FYB1: variants seen among roughly 807,000 people sequenced by gnomAD.
FYB1 encodes FYN-binding protein 1.
In FYB1, 41 loss-of-function variants were observed where a neutral mutation model predicts 94.1. The ratio of observed to expected loss-of-function variants is 0.44; its 90% CI spans 0.34 to 0.57. The LOEUF is 0.57. Ranked by LOEUF, FYB1 falls within the 20% of genes least tolerant of loss-of-function variation. The pLI, the probability that FYB1 is intolerant of heterozygous loss-of-function variation, is 0.02. For synonymous variants in FYB1, 367 were observed against 353.2 expected (o/e 1.04, Z -0.44); for missense variants, 1,050 against 976.8 (o/e 1.07, Z -1.00).
Position 39,202,866 on chromosome 5 carries a change from A to G in FYB1, c.95T>C (p.Ile32Thr), listed in dbSNP as rs764705973. 6.2e-7 allele frequency: 1 copy of G among 1,613,966 alleles called. No individual in the cohort carries two copies. The highest frequency in any genetic ancestry group is 8.5e-7 in the Non-Finnish European group (1 of 1,179,880). Residue 32 changes from isoleucine (I) to threonine (T), a missense_variant, in exon 2 of 19, where the codon ATA becomes ACA. Transcript: ENST00000512982. ...RVTGPNSSSGIQARKNLFNNQ... is the reference protein window; with the variant it reads ...RVTGPNSSSGTQARKNLFNNQ... ...GTTGAATAAGTTCTTTCTTGCTTGTATTCCTGAAGATGAGTTTGGCCCTGT... is the reference window on the plus strand; with the variant it reads ...GTTGAATAAGTTCTTTCTTGCTTGTGTTCCTGAAGATGAGTTTGGCCCTGT...
At chr5:39,184,912 TATTA>T (rs553383309) in intron 2 of FYB1, among the ~76,000 whole-genome samples, 2 of 152,306 alleles carry the variant, frequency 1.3e-5, no homozygotes, top group East Asian at 3.9e-4. Context: ...TATAATAAAA[TATTA>T]ATTCATTAAT....
At chr5:39,270,485 C>G in intron 1 of FYB1, 1 of 1,311,490 alleles carries the variant, frequency 7.6e-7, no homozygotes, top group Non-Finnish European at 1.0e-6. Context: ...GACTGTGAAG[C>G]ACCCTCAACT....
At position 39,119,616 on chromosome 5, in the gene FYB1, T is replaced by C. The variant is rs759531391; in HGVS notation, c.2157A>G (p.Gly719=). ...GGTCCTTTTCTTCTGTCTTAGCTTT[T>C]CCAACATTAGTTCCTTGACTAGAAC... ...SAEMSQGTNV[G]KAKTEEKDLK... is the part of the protein sequence containing the mutation. The change falls in exon 15 of 19, where the codon GGA becomes GGG. Residue 719 remains glycine (G), a synonymous_variant. Transcript: ENST00000512982. The C allele has an allele frequency of 6.5e-7, 1 of 1,543,352 alleles. No homozygotes were observed. The highest frequency in any genetic ancestry group is 8.7e-7 in the Non-Finnish European group (1 of 1,144,424).
At chr5:39,191,295 A>G (rs1747336138) in intron 2 of FYB1, among the ~76,000 whole-genome samples, 1 of 152,238 alleles carries the variant, frequency 6.6e-6, no homozygotes, top group South Asian at 2.1e-4. Context: ...CTTTACCTCC[A>G]TAGACCTACT....
chr5:39,167,236 G>C (rs1010972570), intron 2 of FYB1, among the ~76,000 whole-genome samples: 1 of 152,088 alleles, frequency 6.6e-6, no homozygotes, highest in Non-Finnish European at 1.5e-5. Context: ...GCTTCTACTA[G>C]AGGTGTGATC....
At chr5:39,112,199 A>G (rs1277226353) in intron 16 of FYB1, among the ~76,000 whole-genome samples, 2 of 151,980 alleles carry the variant, frequency 1.3e-5, no homozygotes, top group East Asian at 3.8e-4. Flanking sequence ...GGGCTACACT[A>G]AAATTTGAAC....
rs1760312937 is a variant in FYB1 at position 39,105,320 on chromosome 5, A to G, written c.*2123T>C. 6.6e-6 allele frequency: 1 copy of G among 152,140 alleles called. No homozygotes were observed. 9.4% of individuals were successfully genotyped at this position (152,140 alleles called of 1,614,324 possible). A position where few individuals can be genotyped will look rare whatever the true frequency, so the allele number is the denominator to read the frequency against. ...ACAAAATTCCATACAGAAGACTATA[A>G]CAGAAATCATATTTAATATATTAAA... On this transcript the variant is annotated 3_prime_UTR_variant, in exon 19 of 19. Coordinates refer to ENST00000512982, the MANE Select transcript of FYB1 (RefSeq NM_001465.6).
At chr5:39,192,957 G>C (rs1033928085) in intron 2 of FYB1, among the ~76,000 whole-genome samples, 1 of 152,194 alleles carries the variant, frequency 6.6e-6, no homozygotes, top group Non-Finnish European at 1.5e-5. Flanking sequence ...CCAGTGTTCT[G>C]TTCACCTCCT....
chr5:39,159,786 C>A (rs997186021), intron 2 of FYB1, among the ~76,000 whole-genome samples: 8 of 149,024 alleles, frequency 5.4e-5, no homozygotes, highest in African/African-American at 1.9e-4. Context: ...CTTGTACAGC[C>A]CACTCCCTTT....
intron 1 of FYB1, among the ~76,000 whole-genome samples, chr5:39,251,245 A>T (rs1384630545): frequency 1.3e-5 from 2 of 152,226 alleles, no homozygotes; most frequent in Admixed American, 1.3e-4. Context: ...ATTAATTTAG[A>T]CCATGAAATT....
chr5:39,233,631 A>C (rs1750840045), intron 1 of FYB1, among the ~76,000 whole-genome samples: 1 of 152,180 alleles, frequency 6.6e-6, no homozygotes, highest in African/African-American at 2.4e-5. Flanking sequence ...CAAAACTTTT[A>C]GTGAGAGGCT....
chr5:39,163,351 A>G (rs575458263), intron 2 of FYB1, among the ~76,000 whole-genome samples: 4 of 152,362 alleles, frequency 2.6e-5, no homozygotes, highest in Non-Finnish European at 4.4e-5. Flanking sequence ...AAGTGGAAAG[A>G]AAAGTAATAC....
chr5:39,200,443 G>A (rs1342771683), intron 2 of FYB1, among the ~76,000 whole-genome samples: 1 of 152,198 alleles, frequency 6.6e-6, no homozygotes, highest in Non-Finnish European at 1.5e-5. Flanking sequence ...TGAAGTCACA[G>A]CCATAAAATG....
intron 1 of FYB1, chr5:39,274,355 T>A (rs1249875151): frequency 6.6e-6 from 1 of 152,222 alleles, no homozygotes; most frequent in Non-Finnish European, 1.5e-5. Flanking sequence ...AACATTAATG[T>A]GCCTGGCTAA....
intron 1 of FYB1, among the ~76,000 whole-genome samples, chr5:39,252,366 A>G (rs1751756298): frequency 6.6e-6 from 1 of 152,216 alleles, no homozygotes; most frequent in Admixed American, 6.5e-5. Context: ...CAAAATGCAT[A>G]TACTTGTAGA....
At chr5:39,182,902 A>G (rs1307631136) in intron 2 of FYB1, among the ~76,000 whole-genome samples, 2 of 152,210 alleles carry the variant, frequency 1.3e-5, no homozygotes, top group African/African-American at 2.4e-5. Context: ...AGTTGTTCAG[A>G]GCAGGGTTGT....
At chr5:39,179,251 G>A (rs368113398) in intron 2 of FYB1, among the ~76,000 whole-genome samples, 9 of 152,222 alleles carry the variant, frequency 5.9e-5, no homozygotes, top group Admixed American at 2.6e-4. Context: ...GACAGAGCTC[G>A]GATTCAAACC....
At chr5:39,152,294 G>T (rs896155304) in intron 3 of FYB1, among the ~76,000 whole-genome samples, 1 of 152,084 alleles carries the variant, frequency 6.6e-6, no homozygotes. Context: ...GTTAAAAAAT[G>T]GTGGTGTTTT....
intron 1 of FYB1, among the ~76,000 whole-genome samples, chr5:39,230,719 C>A (rs1225342422): frequency 6.6e-6 from 1 of 151,884 alleles, no homozygotes; most frequent in Non-Finnish European, 1.5e-5. Context: ...TACCTAGACA[C>A]CCGTTCAAAG....
Sources: gnomAD v4.1 joint callset for allele counts (sites outside exome capture counted in the v4.1 genomes callset) on GRCh38, gnomAD v4.1.1 for gene constraint, MANE v1.5 for transcripts, NCBI Gene and HGNC (gene_info 2026-07-23, HGNC 2026-07-21) for gene names.